The following GRID1 variants were observed in gnomAD, a reference collection of about 807,000 sequenced individuals.
GRID1 encodes glutamate receptor ionotropic, delta-1.
Under a neutral mutation model 98.0 loss-of-function variants are expected in GRID1, and 28 were observed. The observed-to-expected ratio is 0.29, with a 90% CI of 0.21 to 0.39. The LOEUF (loss-of-function observed/expected upper bound fraction) is 0.39. Ranked by LOEUF, GRID1 falls within the 10% of genes least tolerant of loss-of-function variation. The pLI, the probability that GRID1 is intolerant of heterozygous loss-of-function variation, is 1.00. For synonymous variants in GRID1, 553 were observed against 538.5 expected, an observed-to-expected ratio of 1.03 and a Z score of -0.37; for missense variants, 1,111 against 1,340.5, an observed-to-expected ratio of 0.83 and a Z score of 2.67.
chr10:86,264,319 T>C (rs918332687), intron 2 of GRID1, among the ~76,000 whole-genome samples: 1 of 152,238 alleles, frequency 6.6e-6, no homozygotes, highest in Non-Finnish European at 1.5e-5. Context: ...CAACATTTCC[T>C]TGGCCCGGAA....
At chr10:86,275,310 G>T (rs1847252397) in intron 2 of GRID1, among the ~76,000 whole-genome samples, 1 of 151,888 alleles carries the variant, frequency 6.6e-6, no homozygotes, top group Non-Finnish European at 1.5e-5. Flanking sequence ...AAGACAATAT[G>T]TTTTCTAGAG....
At chr10:85,994,634 T>C (rs1842719775) in intron 4 of GRID1, among the ~76,000 whole-genome samples, 1 of 152,194 alleles carries the variant, frequency 6.6e-6, no homozygotes. Context: ...GGTGAGCTGT[T>C]AGATACTCAG....
chr10:85,626,592 C>T (rs1842915340), intron 13 of GRID1, among the ~76,000 whole-genome samples: 2 of 152,224 alleles, frequency 1.3e-5, no homozygotes, highest in African/African-American at 4.8e-5. Context: ...TGTACATTCA[C>T]CATCCATGCA....
At chr10:86,103,844 T>A (rs1466537778) in intron 4 of GRID1, among the ~76,000 whole-genome samples, 4 of 152,138 alleles carry the variant, frequency 2.6e-5, no homozygotes, top group Non-Finnish European at 4.4e-5. Context: ...TAACCACTGT[T>A]GGGCTGAACC....
intron 2 of GRID1, among the ~76,000 whole-genome samples, chr10:86,270,115 T>C (rs560349981): frequency 6.6e-6 from 1 of 152,366 alleles, no homozygotes; most frequent in African/African-American, 2.4e-5. Flanking sequence ...TTTGGAAACA[T>C]GGAACATCTG....
At chr10:86,184,464 T>TTTTC in intron 3 of GRID1, among the ~76,000 whole-genome samples, 1 of 146,968 alleles carries the variant, frequency 6.8e-6, no homozygotes, top group African/African-American at 2.5e-5. Flanking sequence ...CTTTTTTCTT[T>TTTTC]TTTTTTTTTT....
At chr10:85,786,727 C>T (rs193030295) in intron 8 of GRID1, among the ~76,000 whole-genome samples, 65 of 152,228 alleles carry the variant, frequency 4.3e-4, no homozygotes, top group African/African-American at 1.5e-3. Context: ...TGGGAAAGGG[C>T]CGATTAGATT....
chr10:86,039,539 GGGAAGA>G (rs923426912), intron 4 of GRID1, among the ~76,000 whole-genome samples: 1 of 152,138 alleles, frequency 6.6e-6, no homozygotes, highest in African/African-American at 2.4e-5. Context: ...TTCTCTCCTT[GGGAAGA>G]GAAAGGTTTT....
intron 12 of GRID1, among the ~76,000 whole-genome samples, chr10:85,687,629 CAAATACCAAA>C (rs1032141920): frequency 2.7e-5 from 4 of 147,922 alleles, no homozygotes; most frequent in African/African-American, 1.0e-4. Flanking sequence ...GACTCTGTCT[CAAATACCAAA>C]AAAAAAGAAA....
chr10:86,227,231 A>T (rs1347570480), intron 2 of GRID1, among the ~76,000 whole-genome samples: 1 of 152,198 alleles, frequency 6.6e-6, no homozygotes, highest in African/African-American at 2.4e-5. Context: ...AAGACGAAAG[A>T]CAATGGCAAC....
At chr10:85,994,147 A>C (rs1842713847) in intron 4 of GRID1, among the ~76,000 whole-genome samples, 1 of 152,162 alleles carries the variant, frequency 6.6e-6, no homozygotes, top group African/African-American at 2.4e-5. Context: ...AGGAAAGAAA[A>C]ATGAGCAAAC....
At chr10:86,161,735 G>T (rs1845326112) in intron 3 of GRID1, among the ~76,000 whole-genome samples, 1 of 152,146 alleles carries the variant, frequency 6.6e-6, no homozygotes, top group Non-Finnish European at 1.5e-5. Context: ...GAGATGACTT[G>T]CTGGCTGACT....
chr10:85,810,948 C>T (rs921869436), intron 8 of GRID1, among the ~76,000 whole-genome samples: 5 of 152,104 alleles, frequency 3.3e-5, no homozygotes, highest in Admixed American at 6.5e-5. Context: ...GCACCTGCAC[C>T]CAAAGTCCAA....
intron 15 of GRID1, chr10:85,612,895 AG>A (rs1336530592): frequency 6.5e-6 from 1 of 153,108 alleles, no homozygotes; most frequent in Non-Finnish European, 1.5e-5. Context: ...GGGTGCACCC[AG>A]GAGGGACAGG....
intron 2 of GRID1, among the ~76,000 whole-genome samples, chr10:86,217,795 T>C (rs1043654598): frequency 5.9e-5 from 9 of 152,112 alleles, no homozygotes; most frequent in African/African-American, 2.2e-4. Flanking sequence ...TTGGGCCAGC[T>C]GGTCTCCTGG....
intron 4 of GRID1, among the ~76,000 whole-genome samples, chr10:85,955,202 TACTC>T (rs1388886343): frequency 1.3e-5 from 2 of 152,076 alleles, no homozygotes; most frequent in African/African-American, 2.4e-5. Flanking sequence ...GGGAAGAACT[TACTC>T]ACTCAGTAGA....
chr10:86,022,933 G>T (rs1416207906), intron 4 of GRID1, among the ~76,000 whole-genome samples: 1 of 148,172 alleles, frequency 6.7e-6, no homozygotes, highest in Non-Finnish European at 1.5e-5. Flanking sequence ...AAAAAAAAAA[G>T]ATTAAAAAAA....
At chr10:86,359,650 G>A (rs571806035) in intron 2 of GRID1, among the ~76,000 whole-genome samples, 7 of 152,240 alleles carry the variant, frequency 4.6e-5, no homozygotes, top group Non-Finnish European at 8.8e-5. Flanking sequence ...TCCACACTGC[G>A]ACAGGTATAT....
chr10:86,322,733 A>T (rs1057505536), intron 2 of GRID1, among the ~76,000 whole-genome samples: 1 of 150,238 alleles, frequency 6.7e-6, no homozygotes, highest in African/African-American at 2.4e-5. Flanking sequence ...TTTTTAAATA[A>T]AAATAAATAA....
Sources: gnomAD v4.1 joint callset for allele counts (sites outside exome capture counted in the v4.1 genomes callset) on GRCh38, gnomAD v4.1.1 for gene constraint, MANE v1.5 for transcripts, NCBI Gene and HGNC (gene_info 2026-07-23, HGNC 2026-07-21) for gene names.